FHIT: variants seen among roughly 807,000 people sequenced by gnomAD.
The protein encoded by FHIT is fragile histidine triad diadenosine triphosphatase.
In FHIT, 19 loss-of-function variants were observed where a neutral mutation model predicts 17.9. That is an observed-to-expected ratio of 1.06 (90% CI 0.74 to 1.56). The LOEUF (loss-of-function observed/expected upper bound fraction) is 1.56. Ranked by LOEUF, FHIT falls within the 40% of genes most tolerant of loss-of-function variation. The pLI is 0.00. For synonymous variants in FHIT, 81 were observed against 69.7 expected (o/e 1.16, Z -0.81); for missense variants, 248 against 189.2 (o/e 1.31, Z -1.82).
At chr3:60,063,454 T>C (rs17062005) in intron 5 of FHIT, among the ~76,000 whole-genome samples, 16,536 of 152,248 alleles carry the variant, frequency 0.11, 1,112 homozygotes, top group Middle Eastern at 0.29. Flanking sequence ...GAACACTGAC[T>C]TATCCATGTT....
chr3:60,964,400 T>C (rs1418530382), intron 3 of FHIT, among the ~76,000 whole-genome samples: 1 of 152,182 alleles, frequency 6.6e-6, no homozygotes, highest in Non-Finnish European at 1.5e-5. Flanking sequence ...TGCCAGTCTG[T>C]GTCTTTTAAT....
chr3:59,856,927 T>C (rs1442736978), intron 8 of FHIT, among the ~76,000 whole-genome samples: 2 of 152,062 alleles, frequency 1.3e-5, no homozygotes, highest in Non-Finnish European at 2.9e-5. Context: ...ATGGTGGAGA[T>C]TATGCTCAAT....
At chr3:60,764,149 C>T (rs781860915) in intron 4 of FHIT, among the ~76,000 whole-genome samples, 6 of 152,074 alleles carry the variant, frequency 3.9e-5, no homozygotes, top group Non-Finnish European at 4.4e-5. Context: ...ATGTAGTGCT[C>T]CATCACCTGT....
intron 5 of FHIT, among the ~76,000 whole-genome samples, chr3:60,115,237 G>C (rs899965357): frequency 1.3e-5 from 2 of 152,012 alleles, no homozygotes; most frequent in African/African-American, 4.8e-5. Context: ...TGAAGTGAAA[G>C]AATAGGGAGA....
intron 5 of FHIT, among the ~76,000 whole-genome samples, chr3:60,468,046 T>C (rs115169963): frequency 6.6e-6 from 1 of 152,178 alleles, no homozygotes; most frequent in Non-Finnish European, 1.5e-5. Flanking sequence ...TATAATGACC[T>C]TCTTTGTCTC....
intron 8 of FHIT, among the ~76,000 whole-genome samples, chr3:59,863,664 A>C (rs926276874): frequency 6.6e-6 from 1 of 152,228 alleles, no homozygotes; most frequent in African/African-American, 2.4e-5. Flanking sequence ...GAATGAATTA[A>C]GATTATTACC....
intron 2 of FHIT, among the ~76,000 whole-genome samples, chr3:61,147,301 G>A (rs528588381): frequency 2.4e-4 from 37 of 152,108 alleles, no homozygotes; most frequent in African/African-American, 7.7e-4. Flanking sequence ...GAGCTTAGGC[G>A]AGATAATAAC....
intron 3 of FHIT, among the ~76,000 whole-genome samples, chr3:60,988,912 C>T (rs1439020057): frequency 2.5e-5 from 2 of 80,300 alleles, no homozygotes; most frequent in Non-Finnish European, 4.3e-5. Flanking sequence ...TGTTAAAAGG[C>T]TTTTTTTTTT....
chr3:60,197,413 G>A (rs1702699335), intron 5 of FHIT, among the ~76,000 whole-genome samples: 1 of 152,100 alleles, frequency 6.6e-6, no homozygotes, highest in Non-Finnish European at 1.5e-5. Context: ...TCTGTAATAT[G>A]GCAACTCAAA....
chr3:59,789,701 G>A (rs978735911), intron 8 of FHIT, among the ~76,000 whole-genome samples: 7 of 152,138 alleles, frequency 4.6e-5, no homozygotes, highest in African/African-American at 1.7e-4. Flanking sequence ...ATTATAGGGA[G>A]GAAAGGGAGT....
chr3:59,837,224 G>T (rs1190730013), intron 8 of FHIT, among the ~76,000 whole-genome samples: 2 of 152,006 alleles, frequency 1.3e-5, no homozygotes, highest in African/African-American at 4.8e-5. Context: ...GTCATCCCTT[G>T]GTATCTATGG....
chr3:61,021,609 A>G (rs1468657109), intron 3 of FHIT, among the ~76,000 whole-genome samples: 8 of 150,318 alleles, frequency 5.3e-5, no homozygotes, highest in African/African-American at 1.9e-4. Flanking sequence ...AAAAAAAAAA[A>G]AAAAAAAAAA....
intron 5 of FHIT, among the ~76,000 whole-genome samples, chr3:60,309,944 A>G (rs530006756): frequency 2.0e-5 from 3 of 152,218 alleles, no homozygotes; most frequent in African/African-American, 7.2e-5. Context: ...AGTCCACTTC[A>G]CATTCGAGTG....
intron 5 of FHIT, among the ~76,000 whole-genome samples, chr3:60,282,561 G>A (rs562327438): frequency 6.6e-6 from 1 of 152,196 alleles, no homozygotes; most frequent in African/African-American, 2.4e-5. Context: ...TTAAAGTAAA[G>A]TATGAACTTC....
At chr3:60,056,349 A>C (rs1055990558) in intron 5 of FHIT, among the ~76,000 whole-genome samples, 1 of 152,226 alleles carries the variant, frequency 6.6e-6, no homozygotes, top group Non-Finnish European at 1.5e-5. Flanking sequence ...TTTCTGCCTG[A>C]GAGTAACCAT....
At chr3:60,825,601 A>G (rs2594137) in intron 3 of FHIT, among the ~76,000 whole-genome samples, 84,102 of 151,824 alleles carry the variant, frequency 0.55, 23,434 homozygotes, top group East Asian at 0.58. Context: ...TCAGATCAGC[A>G]GGGACATTAG....
rs574259024 is a variant in FHIT at position 60,079,449 on chromosome 3, C to A, written c.104-65297G>T. On this transcript the variant is annotated intron_variant, in intron 5 of 9. Coordinates refer to ENST00000492590, the MANE Select transcript of FHIT (RefSeq NM_002012.4). ...TTTTACTTTTAAAAAGGTCTCAGAACAGTTAAAAATAGTTTTTCCTTAAGC... is the reference window on the plus strand; with the variant it reads ...TTTTACTTTTAAAAAGGTCTCAGAAAAGTTAAAAATAGTTTTTCCTTAAGC... Among the ~76,000 whole-genome samples, 4 of 151,998 alleles carry A rather than the reference C, an allele frequency of 2.6e-5. No individual in the cohort carries two copies. The South Asian group carries it at 8.3e-4, about 32-fold the overall frequency.
At chr3:60,772,650 C>A (rs1700083947) in intron 4 of FHIT, among the ~76,000 whole-genome samples, 1 of 152,010 alleles carries the variant, frequency 6.6e-6, no homozygotes, top group Admixed American at 6.6e-5. Flanking sequence ...AATGAGGGAC[C>A]AACTGAGGGA....
chr3:60,270,415 T>G (rs914747975), intron 5 of FHIT, among the ~76,000 whole-genome samples: 1 of 152,196 alleles, frequency 6.6e-6, no homozygotes, highest in Admixed American at 6.5e-5. Flanking sequence ...TTAAAACAGA[T>G]TCCACATTTT....
Sources: gnomAD v4.1 joint callset for allele counts (sites outside exome capture counted in the v4.1 genomes callset) on GRCh38, gnomAD v4.1.1 for gene constraint, MANE v1.5 for transcripts, NCBI Gene and HGNC (gene_info 2026-07-23, HGNC 2026-07-21) for gene names.